Variants in PIEZO2 observed in about 807,000 individuals in gnomAD.
PIEZO2 encodes piezo-type mechanosensitive ion channel component 2.
In PIEZO2, 172 loss-of-function variants were observed where a neutral mutation model predicts 337.3. The ratio of observed to expected loss-of-function variants is 0.51; its 90% CI spans 0.45 to 0.58. PIEZO2 has a LOEUF of 0.58. PIEZO2 is among the 20% of genes least tolerant of loss of function. The pLI, the probability that PIEZO2 is intolerant of heterozygous loss-of-function variation, is 0.00. For synonymous variants in PIEZO2, 1,251 were observed against 1,228.5 expected, an observed-to-expected ratio of 1.02 and a Z score of -0.38; for missense variants, 3,028 against 3,391.3, an observed-to-expected ratio of 0.89 and a Z score of 2.66.
In PIEZO2 at chr18:10,726,490, G is replaced by A; in HGVS notation, c.5029+4917C>T. 1 of 1,509,812 alleles carries A rather than the reference G, an allele frequency of 6.6e-7. No individual in the cohort carries two copies. The highest frequency in any genetic ancestry group is 8.8e-7 in the Non-Finnish European group (1 of 1,135,626). 93.5% of individuals were successfully genotyped at this position (1,509,812 alleles called of 1,614,324 possible). A position where few individuals can be genotyped will look rare whatever the true frequency, so the allele number is the denominator to read the frequency against. On this transcript the variant is annotated intron_variant, in intron 36 of 55. Transcript: ENST00000674853. The surrounding 1 kb of genome is among the most constrained non-coding windows in gnomAD (Gnocchi z 5.9). ...AGGGCCTGGCCACCCTGCACAGCGTGCTGCTCCGCAAGCAGCCGTTCCTGT... is the reference window on the plus strand; with the variant it reads ...AGGGCCTGGCCACCCTGCACAGCGTACTGCTCCGCAAGCAGCCGTTCCTGT...
At chr18:10,914,344 C>T (rs946871790) in intron 3 of PIEZO2, among the ~76,000 whole-genome samples, 1 of 151,866 alleles carries the variant, frequency 6.6e-6, no homozygotes, top group African/African-American at 2.4e-5. Context: ...AATGGATGTC[C>T]AGTCATCTCT....
chr18:10,821,656 G>A lies in PIEZO2; in HGVS notation c.918-14382C>T, dbSNP rs1281374731. Among the ~76,000 whole-genome samples, 1 of 152,066 alleles carries A rather than the reference G, an allele frequency of 6.6e-6. No homozygotes were observed. Among genetic ancestry groups the A allele is most frequent in the Non-Finnish European group, 1.5e-5 (1 of 68,026 alleles). ...CCAGGTTGCTGGAACCAGGAAATATGAGTCAAGTATCACCCCCACCCACCA... is the reference window on the plus strand; with the variant it reads ...CCAGGTTGCTGGAACCAGGAAATATAAGTCAAGTATCACCCCCACCCACCA... On this transcript the variant is annotated intron_variant, in intron 7 of 55. Coordinates refer to ENST00000674853, the MANE Select transcript of PIEZO2 (RefSeq NM_001378183.1). The surrounding 1 kb of genome is among the most constrained non-coding windows in gnomAD (Gnocchi z 4.2).
At chr18:10,788,408 C>CA (rs745769805) in intron 15 of PIEZO2, among the ~76,000 whole-genome samples, 1,881 of 66,400 alleles carry the variant, frequency 0.028, 28 homozygotes, top group African/African-American at 0.042. Context: ...GACCCTGTCT[C>CA]AAAAAAAAAA....
intron 1 of PIEZO2, among the ~76,000 whole-genome samples, chr18:11,133,329 T>C (rs1486774715): frequency 3.3e-5 from 5 of 152,158 alleles, no homozygotes; most frequent in Non-Finnish European, 5.9e-5. Context: ...AGGCGTTAAA[T>C]TATGACCTTA....
At chr18:10,965,420 T>C (rs1479367147) in intron 3 of PIEZO2, among the ~76,000 whole-genome samples, 1 of 152,234 alleles carries the variant, frequency 6.6e-6, no homozygotes, top group African/African-American at 2.4e-5. Context: ...ATTTTTAATG[T>C]GTTTCTTGCT....
At chr18:10,959,352 T>C (rs2033669438) in intron 3 of PIEZO2, among the ~76,000 whole-genome samples, 1 of 152,180 alleles carries the variant, frequency 6.6e-6, no homozygotes, top group African/African-American at 2.4e-5. Flanking sequence ...CACTTAACAA[T>C]TATCTAAAGG....
chr18:11,065,142 T>A (rs532989130), intron 2 of PIEZO2, among the ~76,000 whole-genome samples: 1 of 152,348 alleles, frequency 6.6e-6, no homozygotes, highest in Admixed American at 6.5e-5. Flanking sequence ...ACATGCCTTA[T>A]GAAGTTTACA....
At chr18:10,912,307 G>T (rs409270) in intron 3 of PIEZO2, among the ~76,000 whole-genome samples, 141,497 of 152,238 alleles carry the variant, frequency 0.93, 65,830 homozygotes, top group East Asian at 1. Context: ...TTTACCAAAA[G>T]TAAGGATTTG....
intron 7 of PIEZO2, among the ~76,000 whole-genome samples, chr18:10,836,783 C>A (rs1190333838): frequency 1.3e-5 from 2 of 152,126 alleles, no homozygotes; most frequent in African/African-American, 4.8e-5. Context: ...TGGAATAGAA[C>A]CTCAATCCTG....
In PIEZO2 at chr18:10,834,310, C is replaced by T. The variant is rs2040938516; in HGVS notation, c.917+21043G>A. ...TGACTTGGAGCAAATCACTTATCTA[C>T]ACCTCAATTTTCCTGTCTTTAGAAT... On this transcript the variant is annotated intron_variant, in intron 7 of 55. Coordinates refer to ENST00000674853, the MANE Select transcript of PIEZO2 (RefSeq NM_001378183.1). This position sits in a 1 kb window ranked among gnomAD's most constrained non-coding sequence, Gnocchi z 4.5. Among the ~76,000 whole-genome samples the T allele has an allele frequency of 6.6e-6, 1 of 152,202 alleles. No individual in the cohort carries two copies.
chr18:10,830,886 G>C lies in PIEZO2; in HGVS notation c.918-23612C>G, dbSNP rs556696360. Among the ~76,000 whole-genome samples the C allele has an allele frequency of 6.6e-6, 1 of 152,274 alleles. No individual in the cohort carries two copies. The highest frequency in any genetic ancestry group is 2.4e-5 in the African/African-American group (1 of 41,560). ...ATTTGGTCAAGATCTGAATAGACAT[G>C]TCTCAAAAGAAGACATACAAATGGC... On this transcript the variant is annotated intron_variant, in intron 7 of 55. Transcript: ENST00000674853. The surrounding 1 kb of genome is among the most constrained non-coding windows in gnomAD (Gnocchi z 4.7).
chr18:10,920,989 G>A (rs1482573366), intron 3 of PIEZO2, among the ~76,000 whole-genome samples: 2 of 152,110 alleles, frequency 1.3e-5, no homozygotes, highest in Non-Finnish European at 2.9e-5. Context: ...GGAGGCAGAG[G>A]TTGCAGTGAG....
chr18:10,745,109 T>C (rs2037371684), intron 30 of PIEZO2, among the ~76,000 whole-genome samples: 2 of 152,078 alleles, frequency 1.3e-5, no homozygotes, highest in African/African-American at 4.8e-5. Context: ...ACACAAATCT[T>C]AAGGCAGTAA....
At position 10,957,406 on chromosome 18, in the gene PIEZO2, C is replaced by CAA. The variant is rs36005894; in HGVS notation, c.286+22127_286+22128dup. Reference sequence around the variant, plus strand: ...AGACTCTTGTCTCAAAACAAACCAACAAAAAAAAAACAAAGCAACAACAAC... The same window carrying CAA: ...AGACTCTTGTCTCAAAACAAACCAACAAAAAAAAAAAACAAAGCAACAACAAC... On this transcript the variant is annotated intron_variant, in intron 3 of 55. Transcript: ENST00000674853. Among the ~76,000 whole-genome samples, 27 of 144,994 alleles carry CAA rather than the reference C, an allele frequency of 1.9e-4. 1 individual carries two copies. The highest frequency in any genetic ancestry group is 5.3e-4 in the African/African-American group (21 of 39,598).
intron 3 of PIEZO2, among the ~76,000 whole-genome samples, chr18:10,947,799 A>G (rs577602127): frequency 2.0e-4 from 30 of 152,312 alleles, no homozygotes; most frequent in Non-Finnish European, 3.4e-4. Context: ...TAAGGACAAC[A>G]TATGTCATTA....
At position 10,940,729 on chromosome 18, in the gene PIEZO2, G is replaced by C. The variant is rs897847293; in HGVS notation, c.287-29501C>G. 7.9e-5 allele frequency among the ~76,000 whole-genome samples: 12 copies of C among 152,166 alleles called. No individual in the cohort carries two copies. The highest frequency in any genetic ancestry group is 1.3e-4 in the Non-Finnish European group (9 of 68,032). ...AGACAAAAATTAGCTGGGCATGGTG[G>C]CTCGCGCCTGTAGTCCCAGCTACTG... is the stretch of plus-strand genomic sequence containing the variant. On this transcript the variant is annotated intron_variant, in intron 3 of 55. Transcript: ENST00000674853. The surrounding 1 kb of genome is among the most constrained non-coding windows in gnomAD (Gnocchi z 5.3).
chr18:10,794,638 G>T lies in PIEZO2; in HGVS notation c.1758+134C>A. Reference sequence around the variant, plus strand: ...TAAGCACCGCAAACTGTTTCTTACAGTCTCATGTTTGTTCATTTTTACAAA... The same window carrying T: ...TAAGCACCGCAAACTGTTTCTTACATTCTCATGTTTGTTCATTTTTACAAA... On this transcript the variant is annotated intron_variant, in intron 13 of 55. Transcript: ENST00000674853. The surrounding 1 kb of genome is among the most constrained non-coding windows in gnomAD (Gnocchi z 6.6). 1 of 725,544 alleles carries T rather than the reference G, an allele frequency of 1.4e-6. No homozygotes were observed. Among genetic ancestry groups the T allele is most frequent in the Non-Finnish European group, 2.2e-6 (1 of 454,226 alleles). The allele number at this position is 725,544 out of a possible 1,614,324, so 44.9% of individuals were successfully genotyped here.
intron 1 of PIEZO2, among the ~76,000 whole-genome samples, chr18:11,124,609 C>G (rs1568394735): frequency 6.6e-6 from 1 of 152,154 alleles, no homozygotes; most frequent in Non-Finnish European, 1.5e-5. Flanking sequence ...TCACCCACCA[C>G]CACCTGCCCC....
chr18:11,055,858 C>T (rs1198500026), intron 2 of PIEZO2, among the ~76,000 whole-genome samples: 3 of 152,148 alleles, frequency 2.0e-5, no homozygotes, highest in Admixed American at 6.5e-5. Flanking sequence ...GTGCGCCCTT[C>T]GCTGGGTGTG....
Sources: allele counts gnomAD v4.1 joint callset (sites outside exome capture counted in the v4.1 genomes callset), GRCh38; gene constraint gnomAD v4.1.1; non-coding constraint Gnocchi (gnomAD v3.1); transcripts MANE v1.5; gene names NCBI Gene and HGNC (gene_info 2026-07-23, HGNC 2026-07-21).